Variants in PLXNA2 observed in about 807,000 individuals in gnomAD.
PLXNA2 encodes the protein plexin-A2.
A neutral mutation model predicts 193.5 loss-of-function variants in PLXNA2; 91 were observed. The ratio of observed to expected loss-of-function variants is 0.47; its 90% CI spans 0.40 to 0.56. PLXNA2 has a LOEUF of 0.56. PLXNA2 is among the 20% of genes least tolerant of loss of function. The probability of loss-of-function intolerance (pLI) is 0.00; values close to 1 mark genes in which losing one functional copy is unlikely to be tolerated. For missense variants in PLXNA2, 1,995 were observed against 2,503.2 expected (o/e 0.80, Z 4.33); for synonymous variants, 997 against 1,027.3 (o/e 0.97, Z 0.56).
Position 208,092,892 on chromosome 1 carries a change from G to A in PLXNA2, c.1991C>T (p.Ser664Phe), listed in dbSNP as rs780768597. The A allele has an allele frequency of 6.2e-7, 1 of 1,612,634 alleles. No individual in the cohort carries two copies. The highest frequency in any genetic ancestry group is 2.2e-5 in the East Asian group (1 of 44,886). The change falls in exon 9 of 32, where the codon TCC becomes TTC. Residue 664 changes from serine (S) to phenylalanine (F), a missense_variant. Around this residue, in one of 3 missense-constraint regions of PLXNA2, gnomAD observed 1,291 missense variants for 1,673.6 expected, o/e 0.77. Coordinates refer to ENST00000367033, the MANE Select transcript of PLXNA2 (RefSeq NM_025179.4). ...GCAGCGGAAGGCGCTGTTGACACAG[G>A]ACAGGCACCTGCAAGGACAGAGATG... ...YNCSAHQLCL[S>F]CVNSAFRCHW...
chr1:208,146,939 G>C (rs943417171), intron 3 of PLXNA2, among the ~76,000 whole-genome samples: 1 of 152,174 alleles, frequency 6.6e-6, no homozygotes, highest in African/African-American at 2.4e-5. Context: ...ATTTTGCTTG[G>C]ACAAGGCTCA....
intron 1 of PLXNA2, among the ~76,000 whole-genome samples, chr1:208,230,682 G>T (rs1037319366): frequency 1.3e-5 from 2 of 152,184 alleles, no homozygotes; most frequent in African/African-American, 4.8e-5. Context: ...TGAACCAACA[G>T]CCAGCCTTCC....
At chr1:208,064,488 T>C (rs1339524374) in intron 12 of PLXNA2, among the ~76,000 whole-genome samples, 2 of 152,170 alleles carry the variant, frequency 1.3e-5, no homozygotes, top group Non-Finnish European at 2.9e-5. Context: ...TATCGGTGGT[T>C]CCTTTCTACA....
intron 4 of PLXNA2, among the ~76,000 whole-genome samples, chr1:208,133,042 G>T (rs1380540775): frequency 6.6e-6 from 1 of 152,042 alleles, no homozygotes; most frequent in Non-Finnish European, 1.5e-5. Context: ...TTTCTTCTCC[G>T]GAGTCACTGC....
At chr1:208,165,549 C>A (rs927717480) in intron 3 of PLXNA2, among the ~76,000 whole-genome samples, 10 of 152,146 alleles carry the variant, frequency 6.6e-5, no homozygotes, top group African/African-American at 2.4e-4. Flanking sequence ...CGATTTTGTT[C>A]GCCTTAACCC....
At chr1:208,035,572 T>C (rs1209562569) in intron 26 of PLXNA2, among the ~76,000 whole-genome samples, 2 of 152,146 alleles carry the variant, frequency 1.3e-5, no homozygotes, top group African/African-American at 2.4e-5. Flanking sequence ...TGATTTAAGA[T>C]TGCCCTCCAT....
chr1:208,026,655 T>TC lies in PLXNA2; in HGVS notation c.*587_*588insG, dbSNP rs71154850. On this transcript the variant is annotated 3_prime_UTR_variant, in exon 32 of 32. Coordinates refer to ENST00000367033, the MANE Select transcript of PLXNA2 (RefSeq NM_025179.4). ...TCATTCTTCTTCTCCTCTTTCTCTT[T>TC]TTTTTTTTTTTTTTAATTTCAAGGA... 5.9e-4 allele frequency: 88 copies of TC among 148,890 alleles called. No individual in the cohort carries two copies. Among genetic ancestry groups the TC allele is most frequent in the Non-Finnish European group, 1.1e-3 (72 of 66,658 alleles). 9.2% of individuals were successfully genotyped at this position (148,890 alleles called of 1,614,324 possible). A position where few individuals can be genotyped will look rare whatever the true frequency, so the allele number is the denominator to read the frequency against.
At chr1:208,079,550 A>T in intron 11 of PLXNA2, 100 bp from the exon 12 acceptor site, 1 of 800,026 alleles carries the variant, frequency 1.2e-6, no homozygotes, top group East Asian at 2.7e-5. Context: ...ACTCTTCCCC[A>T]CCATGGATAA....
rs969126773 is a variant in PLXNA2, at chr1:208,031,888, G to A, written c.5056-129C>T. ...TGGGACACGAGGCTGTGCAGGCAGT[G>A]TTGCGGGGTGGGGAAGGGTACTATT... On this transcript the variant is annotated intron_variant, in intron 28 of 31. Coordinates refer to ENST00000367033, the MANE Select transcript of PLXNA2 (RefSeq NM_025179.4). 3 of 1,269,178 alleles carry A rather than the reference G, an allele frequency of 2.4e-6. No individual in the cohort carries two copies. In the African/African-American group the frequency reaches 4.6e-5, roughly 19 times the overall value. 78.6% of individuals were successfully genotyped at this position (1,269,178 alleles called of 1,614,324 possible).
chr1:208,095,650 G>A (rs1666857499), intron 8 of PLXNA2, among the ~76,000 whole-genome samples: 1 of 152,048 alleles, frequency 6.6e-6, no homozygotes, highest in African/African-American at 2.4e-5. Context: ...TCTTCATCTG[G>A]TTGTGGGTGA....
rs1258689652 is a variant in PLXNA2, at chr1:208,051,050, G to T, written c.3214C>A (p.Pro1072Thr). The stretch of plus-strand genomic sequence containing the variant: ...CCATTGAATTTGACTCGGATCCTTG[G>T]CTCCTGAATGACATCCAGGTTGAAG... ...TGFNLDVIQE[P>T]RIRVKFNGKE... Residue 1072 changes from proline to threonine, a missense_variant, in exon 17 of 32, where the codon CCA (proline) becomes ACA (threonine). Pro to Thr is a conservative substitution (Grantham distance 38, BLOSUM62 -1). Transcript: ENST00000367033. 2 of 1,613,934 alleles carry T rather than the reference G, an allele frequency of 1.2e-6. No individual in the cohort carries two copies. Among genetic ancestry groups the T allele is most frequent in the Admixed American group, 3.3e-5 (2 of 59,992 alleles).
At chr1:208,094,991 A>G (rs557580342) in intron 8 of PLXNA2, among the ~76,000 whole-genome samples, 2 of 152,296 alleles carry the variant, frequency 1.3e-5, no homozygotes, top group African/African-American at 2.4e-5. Context: ...GACCCTACAG[A>G]CTGGATACCC....
intron 4 of PLXNA2, among the ~76,000 whole-genome samples, chr1:208,126,401 A>G (rs887433099): frequency 6.6e-6 from 1 of 152,148 alleles, no homozygotes; most frequent in Non-Finnish European, 1.5e-5. Flanking sequence ...CTTTCTGCAC[A>G]CTAGTCTCTA....
intron 2 of PLXNA2, among the ~76,000 whole-genome samples, chr1:208,213,744 T>G (rs1671036177): frequency 6.6e-6 from 1 of 152,214 alleles, no homozygotes; most frequent in African/African-American, 2.4e-5. Flanking sequence ...GGGTCTTAGT[T>G]CTTTGGAGTA....
intron 12 of PLXNA2, among the ~76,000 whole-genome samples, chr1:208,075,545 A>G (rs1282198152): frequency 6.6e-6 from 1 of 152,168 alleles, no homozygotes; most frequent in Non-Finnish European, 1.5e-5. Flanking sequence ...GTCATAATTA[A>G]CAAGTATCTT....
intron 12 of PLXNA2, among the ~76,000 whole-genome samples, chr1:208,061,092 A>T (rs1300564924): frequency 6.6e-6 from 1 of 152,182 alleles, no homozygotes; most frequent in Non-Finnish European, 1.5e-5. Flanking sequence ...AAATTATCAG[A>T]AAGAATACTA....
intron 29 of PLXNA2, 47 bp from the exon 30 acceptor site, chr1:208,029,089 C>T: frequency 6.2e-7 from 1 of 1,605,776 alleles, no homozygotes; most frequent in Middle Eastern, 1.7e-4. Flanking sequence ...CGGGCCGTGC[C>T]CCTTCTGCTG....
intron 3 of PLXNA2, among the ~76,000 whole-genome samples, chr1:208,158,101 C>T (rs1367116222): frequency 2.0e-5 from 3 of 152,150 alleles, no homozygotes; most frequent in African/African-American, 7.2e-5. Context: ...GGAGGGAGGA[C>T]AGAAGCCTAG....
intron 3 of PLXNA2, among the ~76,000 whole-genome samples, chr1:208,144,327 G>A (rs1668543660): frequency 6.6e-6 from 1 of 151,792 alleles, no homozygotes; most frequent in African/African-American, 2.4e-5. Flanking sequence ...TGCAGAGCTA[G>A]GGGAGTGGGA....
Sources: allele counts gnomAD v4.1 joint callset (sites outside exome capture counted in the v4.1 genomes callset), GRCh38; gene constraint gnomAD v4.1.1; regional missense constraint gnomAD v4.1.1; transcripts MANE v1.5; gene names NCBI Gene and HGNC (gene_info 2026-07-23, HGNC 2026-07-21).